DTNBP1: variants seen among roughly 807,000 people sequenced by gnomAD.
DTNBP1 encodes dysbindin.
Under a neutral mutation model 42.8 loss-of-function variants are expected in DTNBP1, and 35 were observed. The observed-to-expected ratio is 0.82, with a 90% CI of 0.63 to 1.09. The LOEUF (loss-of-function observed/expected upper bound fraction) is 1.09, where lower values mean the gene tolerates loss of function less well. DTNBP1 is among the 50% of genes least tolerant of loss of function. DTNBP1 has a pLI of 0.00. For synonymous variants in DTNBP1, 171 were observed against 162.2 expected, an observed-to-expected ratio of 1.05 and a Z score of -0.41; for missense variants, 457 against 424.2, an observed-to-expected ratio of 1.08 and a Z score of -0.68.
At chr6:15,580,621 C>CTA (rs1314007424) in intron 7 of DTNBP1, among the ~76,000 whole-genome samples, 1 of 152,212 alleles carries the variant, frequency 6.6e-6, no homozygotes, top group Non-Finnish European at 1.5e-5. Context: ...GATGATATGT[C>CTA]TATATATGTG....
intron 4 of DTNBP1, 135 bp from the exon 5 acceptor site, chr6:15,627,610 AC>A: frequency 7.6e-7 from 1 of 1,316,544 alleles, no homozygotes; most frequent in African/African-American, 1.5e-5. Flanking sequence ...TCTAAAAGAG[AC>A]TGAAGTTGTT....
intron 7 of DTNBP1, among the ~76,000 whole-genome samples, chr6:15,588,877 C>T (rs185642041): frequency 6.6e-6 from 1 of 152,306 alleles, no homozygotes; most frequent in African/African-American, 2.4e-5. Flanking sequence ...AGTGTCATGA[C>T]CTCTCTCTGG....
chr6:15,623,467 T>G (rs569313769), intron 5 of DTNBP1, among the ~76,000 whole-genome samples: 4 of 152,128 alleles, frequency 2.6e-5, no homozygotes, highest in East Asian at 3.8e-4. Flanking sequence ...GAAGATCGCT[T>G]GAGTCCAGGA....
At chr6:15,523,565 T>TC (rs1173318408) in intron 9 of DTNBP1, 1 of 1,126,084 alleles carries the variant, frequency 8.9e-7, no homozygotes, top group Non-Finnish European at 1.1e-6. Flanking sequence ...TAGATTTCTT[T>TC]TTTTTTTTTT....
chr6:15,592,258 A>G (rs1297673505), intron 7 of DTNBP1, among the ~76,000 whole-genome samples: 1 of 152,254 alleles, frequency 6.6e-6, no homozygotes, highest in African/African-American at 2.4e-5. Flanking sequence ...GAAGTATAAT[A>G]AGCATAAAAC....
intron 3 of DTNBP1, 75 bp downstream of exon 3, chr6:15,651,238 C>A (rs948521133): frequency 7.2e-7 from 1 of 1,379,434 alleles, no homozygotes; most frequent in Admixed American, 1.7e-5. Context: ...GGCTTTTAAC[C>A]TACAAAATTA....
intron 4 of DTNBP1, among the ~76,000 whole-genome samples, chr6:15,632,103 T>C (rs1433595566): frequency 6.6e-6 from 1 of 152,208 alleles, no homozygotes; most frequent in African/African-American, 2.4e-5. Context: ...TGCCTGCTGA[T>C]ATCTTTTACT....
At chr6:15,523,410 CCCTGCGGTGACCCTTCTGT>C in intron 9 of DTNBP1, among the ~76,000 whole-genome samples, 191 bp from the exon 10 acceptor site, 1 of 152,282 alleles carries the variant, frequency 6.6e-6, no homozygotes, top group South Asian at 2.1e-4. Flanking sequence ...CAGCCTCAGG[CCCTGCGGTGACCCTTCTGT>C]CCCCTAAGGA....
chr6:15,584,974 T>C (rs993005342), intron 7 of DTNBP1, among the ~76,000 whole-genome samples: 1 of 147,452 alleles, frequency 6.8e-6, no homozygotes, highest in African/African-American at 2.5e-5. Context: ...TTTATATATA[T>C]ATATAAATAC....
intron 4 of DTNBP1, among the ~76,000 whole-genome samples, chr6:15,631,843 T>C (rs1425704440): frequency 1.3e-5 from 2 of 152,198 alleles, no homozygotes; most frequent in Non-Finnish European, 2.9e-5. Context: ...TGCCAACTCA[T>C]TTTTTCTAAC....
intron 5 of DTNBP1, among the ~76,000 whole-genome samples, chr6:15,625,475 T>C (rs1182318056): frequency 6.6e-6 from 1 of 152,238 alleles, no homozygotes; most frequent in African/African-American, 2.4e-5. Flanking sequence ...TTGGAAGGCC[T>C]ACCTTGTGCA....
chr6:15,533,124 A>G, intron 8 of DTNBP1, 116 bp downstream of exon 8: 7 of 1,523,438 alleles, frequency 4.6e-6, no homozygotes, highest in Non-Finnish European at 6.2e-6. Flanking sequence ...CTGGGGTCTC[A>G]TAACAGAACG....
chr6:15,662,976 T>C lies in DTNBP1; in HGVS notation c.-107A>G. 6.7e-7 allele frequency: 1 copy of C among 1,484,828 alleles called. No individual in the cohort carries two copies. The highest frequency in any genetic ancestry group is 9.2e-7 in the Non-Finnish European group (1 of 1,084,058). 92.0% of individuals were successfully genotyped at this position (1,484,828 alleles called of 1,614,324 possible). On this transcript the variant is annotated 5_prime_UTR_variant, in exon 1 of 10. Transcript: ENST00000344537. ...CGCGCTGTCACCGCGCGCCCCGCAC[T>C]CCCACTACCGGCCCCGCCCCCGGTC...
In DTNBP1 at chr6:15,615,398, A is replaced by C; in HGVS notation, c.357T>G (p.Thr119=). 1 of 1,613,998 alleles carries C rather than the reference A, an allele frequency of 6.2e-7. No homozygotes were observed. Reference sequence around the variant, plus strand: ...CCTCCTCAAAACTCGCCTCTAAATGAGCTGAAAGTATATAAAAATAAACAG... The same window carrying C: ...CCTCCTCAAAACTCGCCTCTAAATGCGCTGAAAGTATATAAAAATAAACAG... ...ADLESMTANL[T]HLEASFEEVE... Residue 119 remains threonine (T), a splice_region_variant and synonymous_variant, in exon 6 of 10, where the codon ACT becomes ACG. Coordinates refer to ENST00000344537, the MANE Select transcript of DTNBP1 (RefSeq NM_032122.5).
At chr6:15,573,506 G>A (rs1000947808) in intron 7 of DTNBP1, among the ~76,000 whole-genome samples, 21 of 152,184 alleles carry the variant, frequency 1.4e-4, no homozygotes, top group African/African-American at 4.6e-4. Context: ...TATTTTAAAA[G>A]ACAAAGAAGC....
chr6:15,586,348 T>C (rs1776078878), intron 7 of DTNBP1, among the ~76,000 whole-genome samples: 1 of 152,146 alleles, frequency 6.6e-6, no homozygotes, highest in Non-Finnish European at 1.5e-5. Flanking sequence ...TCAATTCTAA[T>C]AGTTACAAAC....
chr6:15,576,879 A>T (rs1364989165), intron 7 of DTNBP1, among the ~76,000 whole-genome samples: 1 of 152,158 alleles, frequency 6.6e-6, no homozygotes, highest in African/African-American at 2.4e-5. Flanking sequence ...ACTCTGTTAC[A>T]GAACTCCATC....
chr6:15,648,650 G>A (rs1006366481), intron 3 of DTNBP1, among the ~76,000 whole-genome samples: 3 of 151,738 alleles, frequency 2.0e-5, no homozygotes, highest in Non-Finnish European at 2.9e-5. Flanking sequence ...ATAAATGATA[G>A]CATCAAAAAA....
chr6:15,612,545 T>C (rs62397473), intron 6 of DTNBP1, among the ~76,000 whole-genome samples: 3,613 of 152,326 alleles, frequency 0.024, 64 homozygotes, highest in South Asian at 0.063. Context: ...TTTAAAAATA[T>C]AGAATACCCA....
Sources: allele counts gnomAD v4.1 joint callset (sites outside exome capture counted in the v4.1 genomes callset), GRCh38; gene constraint gnomAD v4.1.1; transcripts MANE v1.5; gene names NCBI Gene and HGNC (gene_info 2026-07-23, HGNC 2026-07-21).